Variants in SMOC1 observed in about 807,000 individuals in gnomAD.
The protein encoded by SMOC1 is SPARC related modular calcium binding 1.
In SMOC1, 22 loss-of-function variants were observed where a neutral mutation model predicts 56.3. The observed-to-expected ratio is 0.39, with a 90% CI of 0.28 to 0.56. The LOEUF (loss-of-function observed/expected upper bound fraction) is 0.56, where lower values mean the gene tolerates loss of function less well. Ranked by LOEUF, SMOC1 falls within the 20% of genes least tolerant of loss-of-function variation. The pLI, the probability that SMOC1 is intolerant of heterozygous loss-of-function variation, is 0.61. For missense variants in SMOC1, 509 were observed against 565.4 expected, an observed-to-expected ratio of 0.90 and a Z score of 1.01; for synonymous variants, 193 against 215.0, an observed-to-expected ratio of 0.90 and a Z score of 0.89.
chr14:69,949,364 G>C (rs764775260), intron 1 of SMOC1, among the ~76,000 whole-genome samples: 20 of 152,198 alleles, frequency 1.3e-4, no homozygotes, highest in Non-Finnish European at 1.5e-4. Flanking sequence ...CTACAGGGCT[G>C]CACTCCTCCC....
chr14:69,988,088 C>T (rs1045808882), intron 5 of SMOC1, among the ~76,000 whole-genome samples: 3 of 152,180 alleles, frequency 2.0e-5, no homozygotes, highest in Non-Finnish European at 2.9e-5. Context: ...TCCCTCCGCC[C>T]TGGCTGGTGG....
intron 1 of SMOC1, among the ~76,000 whole-genome samples, chr14:69,933,244 A>G (rs1156702337): frequency 1.3e-5 from 2 of 152,208 alleles, no homozygotes; most frequent in African/African-American, 2.4e-5. Flanking sequence ...TTAGTGTACT[A>G]GTATTTTATT....
At chr14:69,988,228 A>T (rs2139532307) in intron 5 of SMOC1, among the ~76,000 whole-genome samples, 1 of 149,002 alleles carries the variant, frequency 6.7e-6, no homozygotes, top group Middle Eastern at 3.5e-3. Flanking sequence ...GTTTGTTTTC[A>T]TGTTTCCAAA....
At chr14:69,943,400 G>A (rs1334210516) in intron 1 of SMOC1, among the ~76,000 whole-genome samples, 1 of 152,182 alleles carries the variant, frequency 6.6e-6, no homozygotes, top group Non-Finnish European at 1.5e-5. Context: ...GTCAGGGAAG[G>A]GTGAGAGCGA....
chr14:69,879,839 TC>T, intron 1 of SMOC1, 62 bp downstream of exon 1: 1 of 1,378,702 alleles, frequency 7.3e-7, no homozygotes, highest in Non-Finnish European at 9.9e-7. Context: ...TCCCCCCTCA[TC>T]CCTGAGGGAA....
chr14:69,980,896 C>G (rs1463502749), intron 5 of SMOC1, among the ~76,000 whole-genome samples: 1 of 152,098 alleles, frequency 6.6e-6, no homozygotes, highest in African/African-American at 2.4e-5. Context: ...ACCCGGGACC[C>G]AGCCTTCTCT....
At chr14:69,931,286 T>G (rs1885158368) in intron 1 of SMOC1, among the ~76,000 whole-genome samples, 1 of 152,224 alleles carries the variant, frequency 6.6e-6, no homozygotes, top group Non-Finnish European at 1.5e-5. Context: ...TGAGGCCAAA[T>G]GTTATTTATC....
intron 1 of SMOC1, among the ~76,000 whole-genome samples, chr14:69,913,163 G>A (rs1403833166): frequency 6.6e-6 from 1 of 152,204 alleles, no homozygotes; most frequent in Non-Finnish European, 1.5e-5. Flanking sequence ...CCTTGATTGT[G>A]TGGTTCTATC....
At chr14:69,954,530 C>T (rs981307465) in intron 3 of SMOC1, among the ~76,000 whole-genome samples, 1 of 152,188 alleles carries the variant, frequency 6.6e-6, no homozygotes, top group Admixed American at 6.5e-5. Flanking sequence ...CTCAGGAAAG[C>T]TTCTGGGCTG....
chr14:69,912,427 T>G (rs993746649), intron 1 of SMOC1, among the ~76,000 whole-genome samples: 28 of 152,206 alleles, frequency 1.8e-4, no homozygotes, highest in African/African-American at 6.8e-4. Context: ...TAAAAAAATT[T>G]TTTTTGTAGA....
chr14:69,967,429 A>G (rs1883612502), intron 3 of SMOC1, among the ~76,000 whole-genome samples: 1 of 152,214 alleles, frequency 6.6e-6, no homozygotes, highest in African/African-American at 2.4e-5. Context: ...AATGAGGCCC[A>G]ACACAAATTC....
chr14:70,009,211 T>G (rs960972153), intron 7 of SMOC1, among the ~76,000 whole-genome samples: 1 of 152,264 alleles, frequency 6.6e-6, no homozygotes, highest in Non-Finnish European at 1.5e-5. Flanking sequence ...GCCTGCCTCC[T>G]GGCCCTCAGA....
At chr14:69,908,311 G>A (rs1000684770) in intron 1 of SMOC1, among the ~76,000 whole-genome samples, 1 of 152,212 alleles carries the variant, frequency 6.6e-6, no homozygotes, top group Non-Finnish European at 1.5e-5. Flanking sequence ...TATTTCTTGT[G>A]TGTATAAATA....
intron 4 of SMOC1, among the ~76,000 whole-genome samples, chr14:69,976,493 T>TG (rs1183882048): frequency 6.6e-6 from 1 of 152,250 alleles, no homozygotes; most frequent in Non-Finnish European, 1.5e-5. Context: ...ACTATTGCTT[T>TG]ATAGTGATCC....
intron 1 of SMOC1, among the ~76,000 whole-genome samples, chr14:69,944,853 C>G (rs1366399751): frequency 6.6e-6 from 1 of 152,152 alleles, no homozygotes; most frequent in Non-Finnish European, 1.5e-5. Flanking sequence ...TGGGTACTAT[C>G]TCAGCCATAC....
chr14:70,020,277 T>C (rs1594859305), intron 10 of SMOC1, among the ~76,000 whole-genome samples: 1 of 152,106 alleles, frequency 6.6e-6, no homozygotes, highest in East Asian at 1.9e-4. Context: ...TTGTGTAGGC[T>C]CTCAGAGGGT....
At chr14:69,932,175 G>A (rs1276120) in intron 1 of SMOC1, among the ~76,000 whole-genome samples, 85,456 of 152,106 alleles carry the variant, frequency 0.56, 26,153 homozygotes, top group African/African-American at 0.81. Flanking sequence ...TCTGTGTTTC[G>A]CAAAACACGA....
intron 6 of SMOC1, 192 bp from the exon 7 acceptor site, chr14:69,994,208 C>A (rs1242842602): frequency 2.9e-6 from 2 of 689,244 alleles, no homozygotes; most frequent in Admixed American, 2.0e-5. Context: ...CTGATCGGCT[C>A]TTATGAGCTG....
intron 7 of SMOC1, among the ~76,000 whole-genome samples, chr14:69,997,916 C>T (rs913191875): frequency 1.3e-5 from 2 of 152,124 alleles, no homozygotes; most frequent in Non-Finnish European, 2.9e-5. Flanking sequence ...GGTGAGAGCT[C>T]TTCTTCTCAG....
Sources: gnomAD v4.1 joint callset for allele counts (sites outside exome capture counted in the v4.1 genomes callset) on GRCh38, gnomAD v4.1.1 for gene constraint, MANE v1.5 for transcripts, NCBI Gene and HGNC (gene_info 2026-07-23, HGNC 2026-07-21) for gene names.